The following TMC1 variants were observed in gnomAD, a reference collection of about 807,000 sequenced individuals.
TMC1 encodes the protein transmembrane channel like 1, also known as transmembrane channel-like protein 1.
TMC1 carries 84 observed loss-of-function variants against 105.8 expected under a neutral mutation model. The observed-to-expected ratio is 0.79, with a 90% CI of 0.67 to 0.95. The LOEUF is 0.95. Ranked by LOEUF, TMC1 falls within the 40% of genes least tolerant of loss-of-function variation. The pLI is 0.00. For missense variants in TMC1, 817 were observed against 914.1 expected (o/e 0.89, Z 1.37); for synonymous variants, 315 against 311.5 (o/e 1.01, Z -0.12).
At chr9:72,592,412 C>A (rs916666045) in intron 2 of TMC1, among the ~76,000 whole-genome samples, 6 of 152,152 alleles carry the variant, frequency 3.9e-5, no homozygotes. Flanking sequence ...TTACTCTTAT[C>A]ATTGGTGTCA....
intron 4 of TMC1, among the ~76,000 whole-genome samples, chr9:72,634,270 T>C (rs1825496753): frequency 1.3e-5 from 2 of 152,174 alleles, no homozygotes; most frequent in Admixed American, 1.3e-4. Context: ...TTTAAAAATA[T>C]CTCAGAGACC....
intron 18 of TMC1, among the ~76,000 whole-genome samples, chr9:72,811,719 G>T (rs147451507): frequency 6.6e-6 from 1 of 152,268 alleles, no homozygotes; most frequent in African/African-American, 2.4e-5. Context: ...TCGTAAGTGA[G>T]AGCCGAACAG....
intron 6 of TMC1, among the ~76,000 whole-genome samples, chr9:72,692,821 T>C (rs911407482): frequency 1.3e-5 from 2 of 152,046 alleles, no homozygotes; most frequent in African/African-American, 2.4e-5. Context: ...CAAGCCCAGT[T>C]AGAAAAGTTA....
chr9:72,831,643 T>G (rs2118335265), intron 23 of TMC1, among the ~76,000 whole-genome samples: 1 of 152,178 alleles, frequency 6.6e-6, no homozygotes, highest in East Asian at 1.9e-4. Context: ...TGTGTCCAAG[T>G]GTTCTCATTG....
chr9:72,597,455 A>G (rs1824738834), intron 2 of TMC1, among the ~76,000 whole-genome samples: 1 of 152,292 alleles, frequency 6.6e-6, no homozygotes, highest in East Asian at 1.9e-4. Context: ...CTTCCATTAG[A>G]TTAAGGTTGA....
intron 13 of TMC1, among the ~76,000 whole-genome samples, chr9:72,788,117 G>C (rs1020748330): frequency 5.3e-5 from 8 of 152,178 alleles, no homozygotes; most frequent in Non-Finnish European, 1.2e-4. Context: ...TCAGTGCTTA[G>C]TAGTTTATTA....
At chr9:72,731,854 C>T (rs1827215959) in intron 8 of TMC1, among the ~76,000 whole-genome samples, 1 of 152,190 alleles carries the variant, frequency 6.6e-6, no homozygotes, top group African/African-American at 2.4e-5. Context: ...TCCCTTTGTT[C>T]AGGGTTCCTT....
intron 1 of TMC1, among the ~76,000 whole-genome samples, chr9:72,557,671 C>T (rs7875995): frequency 0.12 from 18,795 of 152,196 alleles, 1,328 homozygotes; most frequent in Non-Finnish European, 0.17. Context: ...CAATGTGTGT[C>T]AGGGACAGCA....
intron 1 of TMC1, 135 bp downstream of exon 1, chr9:72,522,048 C>T (rs1823321078): frequency 6.6e-6 from 1 of 152,188 alleles, no homozygotes; most frequent in Admixed American, 6.5e-5. Context: ...TATATTTCCT[C>T]TACTTTTCTA....
At chr9:72,719,365 C>A (rs1227391629) in intron 8 of TMC1, among the ~76,000 whole-genome samples, 1 of 152,182 alleles carries the variant, frequency 6.6e-6, no homozygotes, top group Non-Finnish European at 1.5e-5. Context: ...ATGGCTTTTC[C>A]TGTGGCTTCT....
At chr9:72,707,481 G>A (rs1312192185) in intron 8 of TMC1, among the ~76,000 whole-genome samples, 1 of 152,018 alleles carries the variant, frequency 6.6e-6, no homozygotes, top group Non-Finnish European at 1.5e-5. Context: ...ATTACATTGT[G>A]GTTTTGATTT....
At chr9:72,623,912 A>G (rs1825300093) in intron 3 of TMC1, among the ~76,000 whole-genome samples, 1 of 152,152 alleles carries the variant, frequency 6.6e-6, no homozygotes, top group Non-Finnish European at 1.5e-5. Flanking sequence ...CGTAAGGGGC[A>G]CCATACTGAT....
At chr9:72,602,102 A>C (rs1244330964) in intron 2 of TMC1, among the ~76,000 whole-genome samples, 1 of 152,178 alleles carries the variant, frequency 6.6e-6, no homozygotes, top group Non-Finnish European at 1.5e-5. Context: ...GTCAATGCTC[A>C]AAAAATTGCA....
chr9:72,704,203 G>A (rs748584418), intron 8 of TMC1, among the ~76,000 whole-genome samples: 5 of 151,856 alleles, frequency 3.3e-5, no homozygotes, highest in Non-Finnish European at 2.9e-5. Flanking sequence ...CTGCATCATC[G>A]CTCCTGGCTA....
intron 23 of TMC1, among the ~76,000 whole-genome samples, chr9:72,831,883 T>G (rs571481303): frequency 6.6e-6 from 1 of 152,062 alleles, no homozygotes; most frequent in East Asian, 1.9e-4. Context: ...TTGTGAATAG[T>G]GCCGCAATAA....
intron 8 of TMC1, among the ~76,000 whole-genome samples, chr9:72,706,528 G>A (rs1414521805): frequency 6.6e-6 from 1 of 152,070 alleles, no homozygotes; most frequent in African/African-American, 2.4e-5. Flanking sequence ...CATCACCTGA[G>A]CAGTATACAC....
intron 3 of TMC1, among the ~76,000 whole-genome samples, chr9:72,626,978 T>C (rs2132132183): frequency 6.6e-6 from 1 of 152,056 alleles, no homozygotes; most frequent in East Asian, 1.9e-4. Flanking sequence ...GTATTTTTAA[T>C]GTTATACTTT....
intron 18 of TMC1, among the ~76,000 whole-genome samples, chr9:72,810,136 TA>T (rs36058524): frequency 0.08 from 8,617 of 107,958 alleles, 269 homozygotes; most frequent in African/African-American, 0.1. Context: ...AGGCATAGAT[TA>T]AAAAAAAAAA....
At position 72,805,475 on chromosome 9, in the gene TMC1, A is replaced by T. The variant is rs776624164; in HGVS notation, c.1660A>T (p.Asn554Tyr). The change falls in exon 18 of 24, where the codon AAT becomes TAT. Residue 554 changes from asparagine to tyrosine, a missense_variant. Asn to Tyr is a moderately radical substitution (Grantham distance 143, BLOSUM62 -2). Transcript: ENST00000297784. ...AAGGGCATGTTTTGTGAGGTTTTGC[A>T]ATTATTGCTGGTGCTGGGACTTGGA... ...FLRACFVRFC[N>Y]YCWCWDLEYG... The T allele has an allele frequency of 1.2e-6, 2 of 1,612,950 alleles. No homozygotes were observed. The highest frequency in any genetic ancestry group is 1.7e-6 in the Non-Finnish European group (2 of 1,179,834).
Sources: gnomAD v4.1 joint callset for allele counts (sites outside exome capture counted in the v4.1 genomes callset) on GRCh38, gnomAD v4.1.1 for gene constraint, MANE v1.5 for transcripts, NCBI Gene and HGNC (gene_info 2026-07-23, HGNC 2026-07-21) for gene names.